Variants in UBN1 observed in about 807,000 individuals in gnomAD.
The protein encoded by UBN1 is ubinuclein-1.
Under a neutral mutation model 108.5 loss-of-function variants are expected in UBN1, and 17 were observed. The ratio of observed to expected loss-of-function variants is 0.16; its 90% confidence interval spans 0.11 to 0.24. The LOEUF (loss-of-function observed/expected upper bound fraction) is 0.24. Among genes scored for constraint, UBN1 ranks in the 10% least tolerant of loss-of-function variants. The probability of loss-of-function intolerance (pLI) is 1.00; values close to 1 mark genes in which losing one functional copy is unlikely to be tolerated. For synonymous variants in UBN1, 726 were observed against 564.2 expected (o/e 1.29, Z -4.07); for missense variants, 1,595 against 1,394.4 (o/e 1.14, Z -2.29).
intron 7 of UBN1, among the ~76,000 whole-genome samples, chr16:4,868,341 C>A (rs1026553750): frequency 2.0e-5 from 3 of 152,082 alleles, no homozygotes; most frequent in Non-Finnish European, 4.4e-5. Flanking sequence ...TCGTGGTATA[C>A]CATAAGTAGA....
chr16:4,855,783 G>T (rs946579070), intron 2 of UBN1, among the ~76,000 whole-genome samples: 3 of 152,074 alleles, frequency 2.0e-5, no homozygotes, highest in African/African-American at 7.2e-5. Flanking sequence ...GCCGGGTGTG[G>T]TAGTGCATGC....
chr16:4,880,662 C>G lies in UBN1; in HGVS notation c.*530C>G, dbSNP rs1339415325. 6.4e-6 allele frequency: 1 copy of G among 156,532 alleles called. No homozygotes were observed. The highest frequency in any genetic ancestry group is 6.1e-5 in the Admixed American group (1 of 16,342). The allele number at this position is 156,532 out of a possible 1,614,324, so 9.7% of individuals were successfully genotyped here. A position where few individuals can be genotyped will look rare whatever the true frequency, so the allele number is the denominator to read the frequency against. ...AGACCTGCACTGTCCCTGCGAAATA[C>G]TAAGAACACCTAGGGTGTGCTCACT... is the stretch of plus-strand genomic sequence containing the variant. On this transcript the variant is annotated 3_prime_UTR_variant, in exon 18 of 18. Transcript: ENST00000262376.
In UBN1 at chr16:4,873,090, G is replaced by A. The variant is rs2251666; in HGVS notation, c.1800+17G>A. ...AAGGTGAAGGTGAGTCAGTTTGCTC[G>A]GGTCACATGTCAGCTATGCCCATCT... On this transcript the variant is annotated intron_variant, in intron 14 of 17. Coordinates refer to ENST00000262376, the MANE Select transcript of UBN1 (RefSeq NM_001079514.3). 562,839 of 1,613,568 alleles carry A rather than the reference G, an allele frequency of 0.35. 100,344 individuals carry two copies. Among genetic ancestry groups the A allele is most frequent in the South Asian group, 0.49 (44,345 of 91,066 alleles).
chr16:4,849,117 AAAG>A (rs1195514465), intron 1 of UBN1, among the ~76,000 whole-genome samples: 2 of 152,198 alleles, frequency 1.3e-5, no homozygotes, highest in Non-Finnish European at 2.9e-5. Flanking sequence ...CAAAAAGAAA[AAAG>A]AAAAAAAAAT....
intron 7 of UBN1, among the ~76,000 whole-genome samples, chr16:4,864,065 T>C (rs901377444): frequency 2.0e-5 from 3 of 149,560 alleles, no homozygotes; most frequent in African/African-American, 4.9e-5. Flanking sequence ...TGGTTTGTTG[T>C]TGTTGTTGCC....
rs948547946 is a variant in UBN1, at chr16:4,877,404, C to T, written c.3285C>T (p.His1095=). ...GLGHSLLAGL[H]SSPPHAAPLP... is the part of the protein sequence containing the mutation. ...TCTCAGGTCTTCTGGCTGGCTTGCACTCCAGCCCGCCCCATGCAGCGCCTC... is the reference window on the plus strand; with the variant it reads ...TCTCAGGTCTTCTGGCTGGCTTGCATTCCAGCCCGCCCCATGCAGCGCCTC... Residue 1095 remains histidine (H), a synonymous_variant, in exon 17 of 18, where the codon CAC becomes CAT. Coordinates refer to ENST00000262376, the MANE Select transcript of UBN1 (RefSeq NM_001079514.3). This position sits in a 1 kb window ranked among gnomAD's most constrained non-coding sequence, Gnocchi z 4.3. The T allele has an allele frequency of 1.9e-6, 3 of 1,611,930 alleles. No homozygotes were observed. Among genetic ancestry groups the T allele is most frequent in the African/African-American group, 1.3e-5 (1 of 74,880 alleles).
At chr16:4,859,832 G>T (rs1429902951) in intron 5 of UBN1, 33 bp from the exon 6 acceptor site, 2 of 1,612,940 alleles carry the variant, frequency 1.2e-6, no homozygotes, top group Non-Finnish European at 1.7e-6. Flanking sequence ...GAGTTAGGGA[G>T]CCGTGTAACT....
In UBN1 at chr16:4,877,815, G is replaced by C. The variant is rs2087958773; in HGVS notation, c.3355+341G>C. On this transcript the variant is annotated intron_variant, in intron 17 of 17. Transcript: ENST00000262376. The surrounding 1 kb of genome is among the most constrained non-coding windows in gnomAD (Gnocchi z 4.3). ...CTTCAGTTTAAAAAAAAAAAAAAAG[G>C]GAAGGTAATGGTGCATCTTCTCCAA... The C allele has an allele frequency of 1.2e-6, 1 of 863,160 alleles. No homozygotes were observed. The highest frequency in any genetic ancestry group is 6.1e-5 in the South Asian group (1 of 16,346). 53.5% of individuals were successfully genotyped at this position (863,160 alleles called of 1,614,324 possible).
rs946880072 is a variant in UBN1 at position 4,860,447 on chromosome 16, G to C, written c.672-217G>C. The stretch of plus-strand genomic sequence containing the variant: ...TTTCTAAAAACCCGTCGGAAATTTA[G>C]CATATGTGACACTGTGTTGCTAACC... On this transcript the variant is annotated intron_variant, in intron 6 of 17. Transcript: ENST00000262376. Among the ~76,000 whole-genome samples the C allele has an allele frequency of 2.0e-5, 3 of 152,186 alleles. No homozygotes were observed. The South Asian group carries it at 6.2e-4, about 32-fold the overall frequency.
chr16:4,861,714 G>C (rs1181695167), intron 7 of UBN1, among the ~76,000 whole-genome samples: 2 of 152,210 alleles, frequency 1.3e-5, no homozygotes, highest in Non-Finnish European at 2.9e-5. Context: ...GGCCGAGGTG[G>C]GCGGATCACC....
intron 2 of UBN1, among the ~76,000 whole-genome samples, chr16:4,854,200 A>AT (rs1318570289): frequency 1.3e-5 from 2 of 150,424 alleles, no homozygotes; most frequent in Non-Finnish European, 3.0e-5. Flanking sequence ...CGCCCGGCAA[A>AT]TTTTTTGTAT....
intron 17 of UBN1, among the ~76,000 whole-genome samples, chr16:4,878,153 C>T (rs2087969357): frequency 6.6e-6 from 1 of 152,096 alleles, no homozygotes; most frequent in African/African-American, 2.4e-5. Flanking sequence ...GCTCAGGTGC[C>T]CCGGGTTGGT....
chr16:4,874,549 A>G lies in UBN1; in HGVS notation c.2139A>G (p.Glu713=). 6.2e-7 allele frequency: 1 copy of G among 1,614,252 alleles called. No homozygotes were observed. The highest frequency in any genetic ancestry group is 8.5e-7 in the Non-Finnish European group (1 of 1,180,048). The change falls in exon 15 of 18, where the codon GAA becomes GAG. Residue 713 remains glutamate, a synonymous_variant. Transcript: ENST00000262376. The part of the protein sequence containing the change: ...AEKVGGVLCT[E]EKRNFAKPSP... ...AAGTTGGAGGCGTTTTATGTACAGA[A>G]GAAAAAAGGAACTTTGCGAAGCCTA... is the stretch of plus-strand genomic sequence containing the variant.
At chr16:4,858,754 G>T in intron 4 of UBN1, 91 bp downstream of exon 4, 1 of 1,263,646 alleles carries the variant, frequency 7.9e-7, no homozygotes, top group Non-Finnish European at 1.1e-6. Flanking sequence ...GGTCAGAGCA[G>T]TCGTGCCCTC....
chr16:4,864,175 C>T (rs899313416), intron 7 of UBN1, among the ~76,000 whole-genome samples: 20 of 149,880 alleles, frequency 1.3e-4, no homozygotes, highest in Admixed American at 9.4e-4. Context: ...CCACCTCCGC[C>T]TTCTGGGTTC....
At position 4,877,659 on chromosome 16, in the gene UBN1, C is replaced by T. The variant is rs1271064245; in HGVS notation, c.3355+185C>T. 6.9e-6 allele frequency: 9 copies of T among 1,295,844 alleles called. No homozygotes were observed. The South Asian group carries it at 9.5e-5, about 14-fold the overall frequency. The allele number at this position is 1,295,844 out of a possible 1,614,324, so 80.3% of individuals were successfully genotyped here. On this transcript the variant is annotated intron_variant, in intron 17 of 17. Coordinates refer to ENST00000262376, the MANE Select transcript of UBN1 (RefSeq NM_001079514.3). This position sits in a 1 kb window ranked among gnomAD's most constrained non-coding sequence, Gnocchi z 4.3. ...CACGCACTTCTACTCTTGGGGTTTC[C>T]TCTGGTCCCCACTTGGAGCTGCCGC...
intron 12 of UBN1, 28 bp from the exon 13 acceptor site, chr16:4,872,856 C>T (rs1037375740): frequency 3.1e-6 from 5 of 1,614,056 alleles, no homozygotes; most frequent in Middle Eastern, 1.7e-4. Flanking sequence ...GGGGCATGTA[C>T]AGATGCCTGG....
intron 6 of UBN1, 24 bp from the exon 7 acceptor site, chr16:4,860,640 G>T: frequency 6.3e-7 from 1 of 1,593,968 alleles, no homozygotes. Context: ...TAGTCTGAGT[G>T]ACCAGTTTCC....
chr16:4,861,793 A>G (rs1161398671), intron 7 of UBN1, among the ~76,000 whole-genome samples: 1 of 152,164 alleles, frequency 6.6e-6, no homozygotes, highest in East Asian at 1.9e-4. Flanking sequence ...AATACAAAAA[A>G]TTAGCTGGGC....
Sources: allele counts gnomAD v4.1 joint callset (sites outside exome capture counted in the v4.1 genomes callset), GRCh38; gene constraint gnomAD v4.1.1; non-coding constraint Gnocchi (gnomAD v3.1); transcripts MANE v1.5; gene names NCBI Gene and HGNC (gene_info 2026-07-23, HGNC 2026-07-21).